IMPG2: variants seen among roughly 807,000 people sequenced by gnomAD.
IMPG2 encodes IPM 200.
A neutral mutation model predicts 129.2 loss-of-function variants in IMPG2; 91 were observed. The ratio of observed to expected loss-of-function variants is 0.70; its 90% CI spans 0.59 to 0.84. The LOEUF is 0.84. Among genes scored for constraint, IMPG2 ranks in the 40% least tolerant of loss-of-function variants. The pLI is 0.00. For synonymous variants in IMPG2, 510 were observed against 517.7 expected, an observed-to-expected ratio of 0.99 and a Z score of 0.20; for missense variants, 1,430 against 1,461.7, an observed-to-expected ratio of 0.98 and a Z score of 0.35.
At chr3:101,278,001 C>T (rs869107361) in intron 4 of IMPG2, among the ~76,000 whole-genome samples, 3 of 152,110 alleles carry the variant, frequency 2.0e-5, no homozygotes, top group African/African-American at 7.2e-5. Context: ...TTGAGAGGTC[C>T]AGGCGGGTCA....
rs1706455805 is a variant in IMPG2 at position 101,244,655 on chromosome 3, G to A, written c.1676C>T (p.Pro559Leu). 9.3e-6 allele frequency: 15 copies of A among 1,613,888 alleles called. No homozygotes were observed. The South Asian group carries it at 9.9e-5, about 11-fold the overall frequency. Reference sequence around the variant, plus strand: ...AAAAGGTATAGAAGAGGTCAGATATGGTGAAGATGTTAAGGACACATCAGA... The same window carrying A: ...AAAAGGTATAGAAGAGGTCAGATATAGTGAAGATGTTAAGGACACATCAGA... The part of the protein sequence containing the change: ...EDSDVSLTSS[P>L]YLTSSIPFGL... The change falls in exon 13 of 19, where the codon CCA (proline) becomes CTA (leucine). Residue 559 changes from proline (P) to leucine (L), a missense_variant. Pro to Leu is a moderately conservative substitution (Grantham distance 98). Transcript: ENST00000193391.
intron 5 of IMPG2, among the ~76,000 whole-genome samples, 199 bp downstream of exon 5, chr3:101,276,465 G>A (rs985815165): frequency 3.3e-5 from 5 of 151,926 alleles, no homozygotes; most frequent in African/African-American, 1.2e-4. Context: ...AATGATTAAG[G>A]AGTTTTAGGT....
At chr3:101,296,586 G>T (rs1707082107) in intron 3 of IMPG2, among the ~76,000 whole-genome samples, 1 of 152,132 alleles carries the variant, frequency 6.6e-6, no homozygotes, top group Non-Finnish European at 1.5e-5. Flanking sequence ...CATATAATGG[G>T]TTAGGGAGGA....
At chr3:101,292,988 T>C (rs1271215960) in intron 3 of IMPG2, among the ~76,000 whole-genome samples, 1 of 152,214 alleles carries the variant, frequency 6.6e-6, no homozygotes, top group Non-Finnish European at 1.5e-5. Context: ...GTTCTCTTGC[T>C]ATTTCCACCA....
At position 101,282,638 on chromosome 3, in the gene IMPG2, T is replaced by C. The variant is rs73863036; in HGVS notation, c.534-5925A>G. On this transcript the variant is annotated intron_variant, in intron 4 of 18. Coordinates refer to ENST00000193391, the MANE Select transcript of IMPG2 (RefSeq NM_016247.4). ...TATATTAAGAAACAGTTGAGCATAA[T>C]ACAGATTTCTCCTTTACCTATACCC... 7.9e-3 allele frequency among the ~76,000 whole-genome samples: 1,198 copies of C among 152,292 alleles called. 20 individuals carry two copies. The highest frequency in any genetic ancestry group is 0.027 in the African/African-American group (1,119 of 41,542).
intron 9 of IMPG2, among the ~76,000 whole-genome samples, chr3:101,258,858 A>C (rs1263628107): frequency 1.3e-5 from 2 of 152,196 alleles, no homozygotes; most frequent in African/African-American, 4.8e-5. Flanking sequence ...CTCTAACTAA[A>C]AGCTAACAGT....
At chr3:101,263,555 T>C (rs1706691690) in intron 9 of IMPG2, among the ~76,000 whole-genome samples, 1 of 151,968 alleles carries the variant, frequency 6.6e-6, no homozygotes, top group East Asian at 1.9e-4. Flanking sequence ...GCAAAAGCAG[T>C]AGTAAGAGAC....
At chr3:101,309,511 A>G (rs1707238618) in intron 2 of IMPG2, among the ~76,000 whole-genome samples, 1 of 152,178 alleles carries the variant, frequency 6.6e-6, no homozygotes, top group African/African-American at 2.4e-5. Flanking sequence ...AATTCCACTT[A>G]AACGTGGGAA....
intron 9 of IMPG2, among the ~76,000 whole-genome samples, chr3:101,265,675 G>T (rs1057257324): frequency 6.6e-6 from 1 of 152,048 alleles, no homozygotes; most frequent in Admixed American, 6.6e-5. Context: ...AGAGGCATGG[G>T]CAACAAAAGC....
intron 17 of IMPG2, 71 bp downstream of exon 17, chr3:101,229,309 C>T (rs2107203708): frequency 1.2e-6 from 1 of 863,348 alleles, no homozygotes; most frequent in East Asian, 2.9e-5. Flanking sequence ...CACCCCCACC[C>T]ACCACCCCCT....
chr3:101,305,502 C>T lies in IMPG2; in HGVS notation c.335-1190G>A, dbSNP rs114779757. Among the ~76,000 whole-genome samples the T allele has an allele frequency of 4.0e-3, 606 of 152,112 alleles. 7 individuals carry two copies. Among genetic ancestry groups the T allele is most frequent in the African/African-American group, 0.014 (567 of 41,512 alleles). ...TGAACTTCAGTTAAGAATAATGTGT[C>T]AATATTGGCACATAAATTGTAACAC... On this transcript the variant is annotated intron_variant, in intron 2 of 18. Coordinates refer to ENST00000193391, the MANE Select transcript of IMPG2 (RefSeq NM_016247.4).
In IMPG2 at chr3:101,229,562, A is replaced by T; in HGVS notation, c.3451T>A (p.Ser1151Thr). The T allele has an allele frequency of 6.2e-7, 1 of 1,614,038 alleles. No homozygotes were observed. The highest frequency in any genetic ancestry group is 1.1e-5 in the South Asian group (1 of 91,076). The change falls in exon 17 of 19, where the codon TCA becomes ACA. Residue 1151 changes from serine (S) to threonine (T), a missense_variant. Transcript: ENST00000193391. ...SGSSRQPDSL[S>T]SIENAVKYNP... ...TACTTCACAGCATTCTCAATAGATG[A>T]GAGGCTGTCAGGCTGCCTGCTGGAG...
intron 11 of IMPG2, among the ~76,000 whole-genome samples, chr3:101,249,217 C>G (rs1394836559): frequency 6.6e-6 from 1 of 152,164 alleles, no homozygotes; most frequent in Non-Finnish European, 1.5e-5. Context: ...TTAACCCTAT[C>G]CACATCTCCA....
intron 9 of IMPG2, among the ~76,000 whole-genome samples, chr3:101,266,562 C>A (rs1053766084): frequency 2.6e-5 from 4 of 152,138 alleles, no homozygotes; most frequent in Non-Finnish European, 4.4e-5. Flanking sequence ...TATTAAATTG[C>A]GTGCTTATAT....
At chr3:101,308,636 G>T (rs1433715193) in intron 2 of IMPG2, among the ~76,000 whole-genome samples, 1 of 152,236 alleles carries the variant, frequency 6.6e-6, no homozygotes, top group Non-Finnish European at 1.5e-5. Flanking sequence ...TGTTATGAGA[G>T]GGGCTGCTGT....
At chr3:101,275,473 T>C (rs1178810141) in intron 6 of IMPG2, among the ~76,000 whole-genome samples, 190 bp downstream of exon 6, 3 of 152,156 alleles carry the variant, frequency 2.0e-5, no homozygotes, top group African/African-American at 7.2e-5. Context: ...AACTCACCAA[T>C]AAGAGCAGAT....
chr3:101,308,469 CT>C (rs1223127341), intron 2 of IMPG2, among the ~76,000 whole-genome samples: 2 of 152,258 alleles, frequency 1.3e-5, no homozygotes, highest in South Asian at 4.1e-4. Flanking sequence ...CACATGTAAG[CT>C]GCCAAGGCCT....
chr3:101,253,616 A>C, intron 11 of IMPG2, 80 bp downstream of exon 11: 2 of 942,426 alleles, frequency 2.1e-6, no homozygotes. Flanking sequence ...TGGGAAATTT[A>C]TAATGCCAAA....
At position 101,244,215 on chromosome 3, in the gene IMPG2, T is replaced by G; in HGVS notation, c.2116A>C (p.Ile706Leu). 6.2e-7 allele frequency: 1 copy of G among 1,614,026 alleles called. No individual in the cohort carries two copies. The change falls in exon 13 of 19, where the codon ATA (isoleucine) becomes CTA (leucine). Residue 706 changes from isoleucine to leucine, a missense_variant. By Grantham distance (5) the Ile-to-Leu change is conservative (BLOSUM62 2). Coordinates refer to ENST00000193391, the MANE Select transcript of IMPG2 (RefSeq NM_016247.4). ...ESASLTLPKH[I>L]SEVPGVDDYS... ...TCATCAACACCAGGTACTTCTGATA[T>G]GTGCTTGGGGAGGGTTAGAGACGCA...
Sources: gnomAD v4.1 joint callset for allele counts (sites outside exome capture counted in the v4.1 genomes callset) on GRCh38, gnomAD v4.1.1 for gene constraint, MANE v1.5 for transcripts, NCBI Gene and HGNC (gene_info 2026-07-23, HGNC 2026-07-21) for gene names.